Variants in CFAP299 observed in about 807,000 individuals in gnomAD.
CFAP299 encodes the protein cilia- and flagella-associated protein 299.
In CFAP299, 21 loss-of-function variants were observed where a neutral mutation model predicts 27.0. That is an observed-to-expected ratio of 0.78 (90% confidence interval 0.55 to 1.12). The LOEUF is 1.12. CFAP299 is among the 50% of genes most tolerant of loss of function. The pLI is 0.00. For missense variants in CFAP299, 310 were observed against 276.6 expected (o/e 1.12, Z -0.86); for synonymous variants, 104 against 98.1 (o/e 1.06, Z -0.36).
intron 3 of CFAP299, among the ~76,000 whole-genome samples, chr4:80,642,736 C>A (rs1739792374): frequency 6.6e-6 from 1 of 152,138 alleles, no homozygotes; most frequent in Admixed American, 6.6e-5. Context: ...TGCACTCCAG[C>A]CTGGTGACAG....
intron 4 of CFAP299, among the ~76,000 whole-genome samples, chr4:80,919,998 T>C (rs568895506): frequency 6.6e-6 from 1 of 152,108 alleles, no homozygotes; most frequent in Non-Finnish European, 1.5e-5. Flanking sequence ...AAATTCTTAG[T>C]GAAAATCTAG....
At chr4:80,806,640 A>G (rs1177850081) in intron 3 of CFAP299, among the ~76,000 whole-genome samples, 1 of 152,206 alleles carries the variant, frequency 6.6e-6, no homozygotes, top group Non-Finnish European at 1.5e-5. Flanking sequence ...TATTATTGCA[A>G]AATGTCAACA....
intron 3 of CFAP299, among the ~76,000 whole-genome samples, chr4:80,586,804 G>A (rs915374698): frequency 2.0e-5 from 3 of 152,160 alleles, no homozygotes; most frequent in African/African-American, 4.8e-5. Flanking sequence ...CATGCTGTTC[G>A]GGGTGGGAAA....
rs186423391 is a variant in CFAP299, at chr4:80,733,616, C to T, written c.334-136377C>T. 1.1e-3 allele frequency among the ~76,000 whole-genome samples: 170 copies of T among 152,124 alleles called. 2 individuals are homozygous for T. The highest frequency in any genetic ancestry group is 3.8e-3 in the African/African-American group (158 of 41,528). On this transcript the variant is annotated intron_variant, in intron 3 of 5. Transcript: ENST00000358105. The stretch of plus-strand genomic sequence containing the variant: ...CTAATTTACCCCATTCCCTGCCTCC[C>T]ACTACTCTTCCCAGCCTCTGTGACC...
intron 2 of CFAP299, among the ~76,000 whole-genome samples, chr4:80,404,638 T>C (rs1726322951): frequency 6.6e-6 from 1 of 152,222 alleles, no homozygotes; most frequent in Admixed American, 6.5e-5. Context: ...GGCTGAATAA[T>C]ATTCCGTTCT....
rs369234600 is a variant in CFAP299 at position 80,794,018 on chromosome 4, T to C, written c.334-75975T>C. Among the ~76,000 whole-genome samples, 14 of 152,322 alleles carry C rather than the reference T, an allele frequency of 9.2e-5. 1 individual carries two copies. In the East Asian group the frequency reaches 2.7e-3, roughly 29 times the overall value. On this transcript the variant is annotated intron_variant, in intron 3 of 5. Coordinates refer to ENST00000358105, the MANE Select transcript of CFAP299 (RefSeq NM_152770.3). ...TCTTGTCTGGATTGGTCTGTTGTAG[T>C]TTCCCATTGACATTAATCACAGGGC...
intron 3 of CFAP299, among the ~76,000 whole-genome samples, chr4:80,712,925 C>A (rs1722257104): frequency 6.6e-6 from 1 of 151,976 alleles, no homozygotes; most frequent in African/African-American, 2.4e-5. Flanking sequence ...AGTGGAGTGC[C>A]CTATTAGAAC....
At chr4:80,626,686 T>C (rs1303227945) in intron 3 of CFAP299, among the ~76,000 whole-genome samples, 3 of 151,840 alleles carry the variant, frequency 2.0e-5, no homozygotes, top group East Asian at 1.9e-4. Flanking sequence ...GATATTACAA[T>C]TGACACAACA....
chr4:80,608,554 A>G (rs1015551098), intron 3 of CFAP299, among the ~76,000 whole-genome samples: 1 of 152,092 alleles, frequency 6.6e-6, no homozygotes, highest in Non-Finnish European at 1.5e-5. Flanking sequence ...AGATGTTGAT[A>G]TTTTCCAGAA....
intron 2 of CFAP299, among the ~76,000 whole-genome samples, chr4:80,398,739 A>G: frequency 6.6e-6 from 1 of 152,250 alleles, no homozygotes; most frequent in South Asian, 2.1e-4. Flanking sequence ...TAAAAACCCT[A>G]GAATAAAACC....
chr4:80,784,509 T>TTTTTCTTTTCTTTCTTTC (rs1727129581), intron 3 of CFAP299, among the ~76,000 whole-genome samples: 1 of 152,010 alleles, frequency 6.6e-6, no homozygotes, highest in Non-Finnish European at 1.5e-5. Context: ...TTCTTTCTTT[T>TTTTTCTTTTCTTTCTTTC]TTTTCTTTTC....
At chr4:80,583,765 A>AT (rs986075702) in intron 3 of CFAP299, among the ~76,000 whole-genome samples, 6 of 151,984 alleles carry the variant, frequency 3.9e-5, no homozygotes, top group Non-Finnish European at 8.8e-5. Flanking sequence ...TTAATATGAT[A>AT]TTTGTGATAA....
At chr4:80,673,643 G>A (rs774455638) in intron 3 of CFAP299, among the ~76,000 whole-genome samples, 2 of 151,982 alleles carry the variant, frequency 1.3e-5, no homozygotes, top group Admixed American at 6.6e-5. Context: ...TTATTGTGTG[G>A]GAGTCTAAGC....
At chr4:80,426,875 A>T (rs1359808056) in intron 2 of CFAP299, among the ~76,000 whole-genome samples, 1 of 152,230 alleles carries the variant, frequency 6.6e-6, no homozygotes, top group Non-Finnish European at 1.5e-5. Flanking sequence ...TAATTCAAAG[A>T]AAAAACTTTT....
At chr4:80,535,324 C>T (rs768827977) in intron 2 of CFAP299, among the ~76,000 whole-genome samples, 9 of 151,708 alleles carry the variant, frequency 5.9e-5, no homozygotes, top group Non-Finnish European at 8.8e-5. Context: ...TTTAATTTCA[C>T]ACTAGAACTG....
intron 4 of CFAP299, among the ~76,000 whole-genome samples, chr4:80,941,718 G>A (rs1185792858): frequency 1.3e-5 from 2 of 152,166 alleles, no homozygotes; most frequent in Admixed American, 1.3e-4. Flanking sequence ...TCTGCAAACT[G>A]TACAGGAAGC....
At chr4:80,627,199 A>C (rs12510415) in intron 3 of CFAP299, among the ~76,000 whole-genome samples, 2 of 151,714 alleles carry the variant, frequency 1.3e-5, no homozygotes, top group African/African-American at 4.8e-5. Context: ...TATATATGCA[A>C]ATCGGTAAAT....
At chr4:80,638,403 T>C (rs927060765) in intron 3 of CFAP299, among the ~76,000 whole-genome samples, 2 of 152,220 alleles carry the variant, frequency 1.3e-5, no homozygotes, top group African/African-American at 4.8e-5. Flanking sequence ...TTAGCCATGC[T>C]TCTTGGGTCT....
intron 4 of CFAP299, among the ~76,000 whole-genome samples, chr4:80,930,873 C>A (rs535879935): frequency 2.0e-5 from 3 of 152,194 alleles, no homozygotes; most frequent in East Asian, 3.9e-4. Context: ...TGTTGCTGAT[C>A]TAGGGTTCAA....
Sources: allele counts gnomAD v4.1 joint callset (sites outside exome capture counted in the v4.1 genomes callset), GRCh38; gene constraint gnomAD v4.1.1; transcripts MANE v1.5; gene names NCBI Gene and HGNC (gene_info 2026-07-23, HGNC 2026-07-21).